TEX14: variants seen among roughly 807,000 people sequenced by gnomAD.
TEX14 encodes the protein testis expressed 14, intercellular bridge forming factor.
A neutral mutation model predicts 178.6 loss-of-function variants in TEX14; 168 were observed. The observed-to-expected ratio is 0.94, with a 90% confidence interval of 0.83 to 1.07. The LOEUF is 1.07. Ranked by LOEUF, TEX14 falls within the 50% of genes least tolerant of loss-of-function variation. The pLI, the probability that TEX14 is intolerant of heterozygous loss-of-function variation, is 0.00. For missense variants in TEX14, 1,730 were observed against 1,753.6 expected (o/e 0.99, Z 0.24); for synonymous variants, 626 against 634.1 (o/e 0.99, Z 0.19).
chr17:58,577,265 G>C (rs2044699984), intron 21 of TEX14, 110 bp downstream of exon 21: 1 of 441,344 alleles, frequency 2.3e-6, no homozygotes, highest in African/African-American at 2.1e-5. Flanking sequence ...ACTTTTATAA[G>C]ATAGTAGCTA....
At chr17:58,562,445 T>C (rs1360932750) in intron 28 of TEX14, among the ~76,000 whole-genome samples, 1 of 152,196 alleles carries the variant, frequency 6.6e-6, no homozygotes, top group Non-Finnish European at 1.5e-5. Context: ...CTGCTGGCCC[T>C]TTTGGAAGAG....
At chr17:58,643,920 T>C (rs552533015) in intron 2 of TEX14, among the ~76,000 whole-genome samples, 10 of 143,208 alleles carry the variant, frequency 7.0e-5, no homozygotes, top group Non-Finnish European at 1.1e-4. Flanking sequence ...CTAAGTCATC[T>C]TACTGTTTTC....
intron 13 of TEX14, among the ~76,000 whole-genome samples, chr17:58,600,658 C>A (rs2045411809): frequency 6.6e-6 from 1 of 151,936 alleles, no homozygotes. Flanking sequence ...TGACCACCCA[C>A]CACCCCTGGT....
At chr17:58,566,446 C>A (rs1265617547) in intron 26 of TEX14, among the ~76,000 whole-genome samples, 1 of 152,180 alleles carries the variant, frequency 6.6e-6, no homozygotes, top group Non-Finnish European at 1.5e-5. Flanking sequence ...TCAAAACAAT[C>A]TAAATGTTTC....
intron 10 of TEX14, among the ~76,000 whole-genome samples, chr17:58,610,883 C>CA (rs879273175): frequency 4.5e-4 from 60 of 133,424 alleles, no homozygotes; most frequent in South Asian, 7.3e-4. Context: ...AAGACTCCGT[C>CA]AAAAAAAAAA....
chr17:58,609,909 G>C (rs562464723), intron 10 of TEX14, among the ~76,000 whole-genome samples: 42 of 152,358 alleles, frequency 2.8e-4, no homozygotes, highest in African/African-American at 1.0e-3. Context: ...TCTGGTGAGA[G>C]ACCAGAAACA....
At chr17:58,647,691 T>C (rs12936771) in intron 2 of TEX14, among the ~76,000 whole-genome samples, 27,943 of 151,624 alleles carry the variant, frequency 0.18, 2,754 homozygotes, top group Non-Finnish European at 0.21. Context: ...CTTTCTTTCT[T>C]TCTTTTTGTT....
intron 3 of TEX14, among the ~76,000 whole-genome samples, chr17:58,625,973 C>A (rs927247006): frequency 1.3e-5 from 2 of 151,592 alleles, no homozygotes; most frequent in African/African-American, 4.8e-5. Flanking sequence ...TGGTCTCGAT[C>A]TCCTGACCTC....
At chr17:58,685,810 G>A (rs913474484) in intron 1 of TEX14, among the ~76,000 whole-genome samples, 1 of 151,294 alleles carries the variant, frequency 6.6e-6, no homozygotes, top group Non-Finnish European at 1.5e-5. Flanking sequence ...TGGCCAACAT[G>A]GTGAAACACC....
At chr17:58,558,723 T>C (rs1205801129) in intron 30 of TEX14, among the ~76,000 whole-genome samples, 1 of 152,144 alleles carries the variant, frequency 6.6e-6, no homozygotes, top group African/African-American at 2.4e-5. Flanking sequence ...GCCTTCAAAA[T>C]CTATCAAAAT....
At chr17:58,686,865 T>C (rs1397308689) in intron 1 of TEX14, among the ~76,000 whole-genome samples, 1 of 118,494 alleles carries the variant, frequency 8.4e-6, no homozygotes, top group Admixed American at 8.4e-5. Flanking sequence ...GGTCACCTTT[T>C]TTTTTTTTTT....
At chr17:58,682,493 A>G (rs2047517433) in intron 1 of TEX14, among the ~76,000 whole-genome samples, 1 of 151,936 alleles carries the variant, frequency 6.6e-6, no homozygotes, top group Non-Finnish European at 1.5e-5. Context: ...CCTGACCCCA[A>G]ATGATCCACC....
chr17:58,638,590 G>A (rs1251447658), intron 2 of TEX14, among the ~76,000 whole-genome samples: 4 of 152,126 alleles, frequency 2.6e-5, no homozygotes, highest in Admixed American at 2.0e-4. Flanking sequence ...CCAGGCTGGA[G>A]TGCAGTGGTG....
chr17:58,572,354 G>A (rs1489603665), intron 23 of TEX14, among the ~76,000 whole-genome samples: 1 of 152,178 alleles, frequency 6.6e-6, no homozygotes, highest in African/African-American at 2.4e-5. Context: ...AATAAGGCCG[G>A]GTACGGTGGC....
chr17:58,561,151 T>C (rs559468866), intron 29 of TEX14, among the ~76,000 whole-genome samples: 1 of 152,372 alleles, frequency 6.6e-6, no homozygotes, highest in Admixed American at 6.5e-5. Flanking sequence ...GTCAAGATGA[T>C]TTTGAATCCT....
In TEX14 at chr17:58,576,223, C is replaced by T. The variant is rs572045908; in HGVS notation, c.3320+1152G>A. ...TTTACTGGCTGAATGCGGTGGCTCACGCCTGTAATCCCAGCACTTTGGGAG... is the reference window on the plus strand; with the variant it reads ...TTTACTGGCTGAATGCGGTGGCTCATGCCTGTAATCCCAGCACTTTGGGAG... On this transcript the variant is annotated intron_variant, in intron 21 of 31. Transcript: ENST00000349033. Among the ~76,000 whole-genome samples the T allele has an allele frequency of 1.1e-4, 16 of 152,328 alleles. No individual in the cohort carries two copies. The South Asian group carries it at 2.9e-3, about 28-fold the overall frequency.
At chr17:58,670,409 A>T (rs1183745809) in intron 1 of TEX14, among the ~76,000 whole-genome samples, 1 of 151,942 alleles carries the variant, frequency 6.6e-6, no homozygotes, top group Non-Finnish European at 1.5e-5. Context: ...AAGCCTAAAT[A>T]AACTTTGGGA....
chr17:58,671,879 C>T (rs940038391), intron 1 of TEX14, among the ~76,000 whole-genome samples: 1 of 152,174 alleles, frequency 6.6e-6, no homozygotes, highest in Non-Finnish European at 1.5e-5. Context: ...CGCCATTTCA[C>T]TCACTAGGCC....
At position 58,602,518 on chromosome 17, in the gene TEX14, G is replaced by A; in HGVS notation, c.1409C>T (p.Ala470Val). 2 of 1,613,966 alleles carry A rather than the reference G, an allele frequency of 1.2e-6. No homozygotes were observed. The highest frequency in any genetic ancestry group is 1.7e-6 in the Non-Finnish European group (2 of 1,179,982). The change falls in exon 12 of 32, where the codon GCT (alanine) becomes GTT (valine). Residue 470 changes from alanine to valine, a missense_variant. By Grantham distance (64) the Ala-to-Val change is moderately conservative. This residue lies in a region of TEX14 where 789 missense variants were observed against 681.2 expected (regional missense o/e 1.16). Coordinates refer to ENST00000349033, the MANE Select transcript of TEX14 (RefSeq NM_031272.5). ...GTAAGGTTTCGGAAGCCTGACATCA[G>A]CTTCTAAATAATTCCCCGAGACTAC... ...KAVVSGNYLEADVRLPKPYYD... is the reference protein window; with the variant it reads ...KAVVSGNYLEVDVRLPKPYYD...
Sources: allele counts gnomAD v4.1 joint callset (sites outside exome capture counted in the v4.1 genomes callset), GRCh38; gene constraint gnomAD v4.1.1; regional missense constraint gnomAD v4.1.1; transcripts MANE v1.5; gene names NCBI Gene and HGNC (gene_info 2026-07-23, HGNC 2026-07-21).